The following HADHB variants were observed in gnomAD, a reference collection of about 807,000 sequenced individuals.
The protein encoded by HADHB is trifunctional enzyme subunit beta, mitochondrial.
Under a neutral mutation model 61.9 loss-of-function variants are expected in HADHB, and 50 were observed. That is an observed-to-expected ratio of 0.81 (90% confidence interval 0.64 to 1.02). The LOEUF is 1.02. HADHB is among the 50% of genes least tolerant of loss of function. HADHB has a pLI of 0.00. For synonymous variants in HADHB, 191 were observed against 201.6 expected (o/e 0.95, Z 0.45); for missense variants, 504 against 586.5 (o/e 0.86, Z 1.45).
Position 26,284,947 on chromosome 2 carries a change from GA to G in HADHB, c.1219del (p.Thr407ProfsTer48). The G allele has an allele frequency of 2.6e-6, 4 of 1,562,440 alleles. No homozygotes were observed. The highest frequency in any genetic ancestry group is 3.5e-6 in the Non-Finnish European group (4 of 1,133,068). Reference sequence around the variant, plus strand: ...TGGTTTGCAGAAAACTACATGGGTAGAAAAACCAAGGTGAGTTTCTAATTTT... The same window carrying G: ...TGGTTTGCAGAAAACTACATGGGTAGAAAACCAAGGTGAGTTTCTAATTTT... Reference protein sequence around the residue: ...SDWFAENYMGRKTKVGLPPLE... With the variant: ...SDWFAENYMGXKTKVGLPPLE... On this transcript the variant is annotated frameshift_variant, in exon 14 of 16. Transcript: ENST00000317799. LOFTEE classifies it high-confidence loss of function.
At chr2:26,255,909 G>T (rs1671590014) in intron 3 of HADHB, among the ~76,000 whole-genome samples, 1 of 152,170 alleles carries the variant, frequency 6.6e-6, no homozygotes. Context: ...TAATTCTAAT[G>T]TTGACCCAGG....
chr2:26,279,627 TAAA>T (rs879532452), intron 9 of HADHB, among the ~76,000 whole-genome samples: 1 of 138,394 alleles, frequency 7.2e-6, no homozygotes. Context: ...CATCTCTAAT[TAAA>T]AAAAAAAAAA....
chr2:26,261,079 A>G (rs1465298114), intron 3 of HADHB: 1 of 1,239,602 alleles, frequency 8.1e-7, no homozygotes, highest in East Asian at 2.5e-5. Context: ...TCCAGTACCT[A>G]CTCTGAATCT....
intron 1 of HADHB, among the ~76,000 whole-genome samples, chr2:26,247,592 A>C (rs190710956): frequency 6.6e-6 from 1 of 152,296 alleles, no homozygotes; most frequent in African/African-American, 2.4e-5. Flanking sequence ...TGTGAGTTCT[A>C]CATCCTCAGA....
At chr2:26,276,506 T>G (rs1187945093) in intron 6 of HADHB, among the ~76,000 whole-genome samples, 1 of 152,224 alleles carries the variant, frequency 6.6e-6, no homozygotes, top group Non-Finnish European at 1.5e-5. Flanking sequence ...AGAAACCAGC[T>G]GGCAGTGAGC....
chr2:26,266,172 G>A (rs112169529), intron 4 of HADHB, among the ~76,000 whole-genome samples: 4,394 of 152,172 alleles, frequency 0.029, 213 homozygotes, highest in African/African-American at 0.099. Context: ...AGGCTGGGGC[G>A]GGAGGATTGC....
chr2:26,267,701 G>A (rs1672150559), intron 4 of HADHB, among the ~76,000 whole-genome samples: 1 of 151,466 alleles, frequency 6.6e-6, no homozygotes, highest in Non-Finnish European at 1.5e-5. Flanking sequence ...GAACCCGGGA[G>A]GCAGAGGTTG....
At position 26,266,871 on chromosome 2, in the gene HADHB, C is replaced by CAAAAAA. The variant is rs56401595; in HGVS notation, c.210-3064_210-3059dup. 2.0e-3 allele frequency among the ~76,000 whole-genome samples: 93 copies of CAAAAAA among 45,418 alleles called. 4 individuals carry two copies. Among genetic ancestry groups the CAAAAAA allele is most frequent in the African/African-American group, 8.3e-3 (84 of 10,122 alleles). 29.8% of individuals were successfully genotyped at this position (45,418 alleles called of 152,430 possible). A position where few individuals can be genotyped will look rare whatever the true frequency, so the allele number is the denominator to read the frequency against. ...GGTGATGGAGTGAGACACTCTCTCT[C>CAAAAAA]AAAAAAAAAAAAAAAAAAAAAAAGG... On this transcript the variant is annotated intron_variant, in intron 4 of 15. Coordinates refer to ENST00000317799, the MANE Select transcript of HADHB (RefSeq NM_000183.3).
intron 9 of HADHB, among the ~76,000 whole-genome samples, chr2:26,279,686 C>T (rs1672704626): frequency 6.6e-6 from 1 of 150,976 alleles, no homozygotes; most frequent in South Asian, 2.1e-4. Flanking sequence ...TATTTTAGTT[C>T]TTACATACAT....
At chr2:26,262,624 A>C (rs994156903) in intron 3 of HADHB, among the ~76,000 whole-genome samples, 1 of 152,234 alleles carries the variant, frequency 6.6e-6, no homozygotes, top group African/African-American at 2.4e-5. Context: ...GTATTTAGGC[A>C]TGTAGATTTT....
intron 1 of HADHB, among the ~76,000 whole-genome samples, chr2:26,251,812 C>T (rs1671410068): frequency 1.3e-5 from 2 of 152,154 alleles, no homozygotes; most frequent in East Asian, 1.9e-4. Flanking sequence ...TCTCTAAAGA[C>T]CCAAGAGAAG....
intron 1 of HADHB, among the ~76,000 whole-genome samples, chr2:26,246,590 C>T (rs1439034747): frequency 1.3e-5 from 2 of 152,102 alleles, no homozygotes; most frequent in Non-Finnish European, 2.9e-5. Context: ...ATTCGCCCAC[C>T]TCTGCCCCCC....
At chr2:26,265,012 A>T (rs189472374) in intron 4 of HADHB, among the ~76,000 whole-genome samples, 21 of 151,622 alleles carry the variant, frequency 1.4e-4, no homozygotes, top group South Asian at 6.2e-4. Flanking sequence ...AAAGAAGAAG[A>T]AGTAATGCTA....
intron 3 of HADHB, 124 bp from the exon 4 acceptor site, chr2:26,263,256 G>A (rs558674244): frequency 5.0e-6 from 3 of 603,506 alleles, no homozygotes; most frequent in Non-Finnish European, 5.9e-6. Flanking sequence ...CCGAGATCAC[G>A]CCATTGCACT....
intron 3 of HADHB, chr2:26,260,696 C>T: frequency 3.1e-6 from 1 of 324,754 alleles, no homozygotes; most frequent in East Asian, 6.3e-5. Context: ...GTAATGGACC[C>T]TCAAGTTAAG....
At chr2:26,266,856 T>TGA (rs1672101622) in intron 4 of HADHB, among the ~76,000 whole-genome samples, 1 of 101,774 alleles carries the variant, frequency 9.8e-6, no homozygotes, top group African/African-American at 4.5e-5. Context: ...GGTGATGGAG[T>TGA]GAGACACTCT....
intron 6 of HADHB, among the ~76,000 whole-genome samples, chr2:26,273,979 A>G (rs1464905842): frequency 6.6e-6 from 1 of 152,252 alleles, no homozygotes; most frequent in African/African-American, 2.4e-5. Context: ...TGTAAATCAA[A>G]TAAATTATTT....
chr2:26,267,124 A>G (rs1672119778), intron 4 of HADHB, among the ~76,000 whole-genome samples: 1 of 152,134 alleles, frequency 6.6e-6, no homozygotes, highest in African/African-American at 2.4e-5. Flanking sequence ...TATTTAATCC[A>G]ATGATTAAAT....
intron 3 of HADHB, chr2:26,254,746 G>A (rs1167181319): frequency 3.5e-5 from 15 of 423,864 alleles, no homozygotes; most frequent in Non-Finnish European, 5.6e-5. Flanking sequence ...AACCTCGTTG[G>A]TCAGTTTATT....
Sources: gnomAD v4.1 joint callset for allele counts (sites outside exome capture counted in the v4.1 genomes callset) on GRCh38, gnomAD v4.1.1 for gene constraint, MANE v1.5 for transcripts, NCBI Gene and HGNC (gene_info 2026-07-23, HGNC 2026-07-21) for gene names.